The following ADGRB1 variants were observed in gnomAD, a reference collection of about 807,000 sequenced individuals.
ADGRB1 encodes adhesion G protein-coupled receptor B1.
A neutral mutation model predicts 175.7 loss-of-function variants in ADGRB1; 36 were observed. That is an observed-to-expected ratio of 0.20 (90% CI 0.16 to 0.27). The LOEUF is 0.27. Ranked by LOEUF, ADGRB1 falls within the 10% of genes least tolerant of loss-of-function variation. ADGRB1 has a pLI of 1.00. For missense variants in ADGRB1, 1,731 were observed against 2,255.3 expected, an observed-to-expected ratio of 0.77 and a Z score of 4.71; for synonymous variants, 1,054 against 979.4, an observed-to-expected ratio of 1.08 and a Z score of -1.42.
At position 142,544,185 on chromosome 8, in the gene ADGRB1, G is replaced by A. The variant is rs369166320; in HGVS notation, c.4558-35G>A. The stretch of plus-strand genomic sequence containing the variant: ...CTCGGGCTCATGGCTCTCCCTCCGG[G>A]CCCCACCCCTCCTGCACCACGGGCC... On this transcript the variant is annotated intron_variant, in intron 30 of 30. Coordinates refer to ENST00000517894, the MANE Select transcript of ADGRB1 (RefSeq NM_001702.3). 2.2e-4 allele frequency: 341 copies of A among 1,545,154 alleles called. 3 individuals carry two copies. In the South Asian group the frequency reaches 3.9e-3, roughly 18 times the overall value.
At chr8:142,488,230 G>T in intron 13 of ADGRB1, 134 bp from the exon 14 acceptor site, 5 of 1,284,906 alleles carry the variant, frequency 3.9e-6, no homozygotes, top group Non-Finnish European at 5.4e-6. Context: ...CCACACTCCT[G>T]CCTCTGAGCC....
intron 19 of ADGRB1, among the ~76,000 whole-genome samples, chr8:142,520,496 G>C (rs1843765728): frequency 1.4e-5 from 2 of 142,052 alleles, no homozygotes; most frequent in Non-Finnish European, 3.1e-5. Context: ...AATGGTGATG[G>C]TGATGATGGT....
intron 24 of ADGRB1, among the ~76,000 whole-genome samples, chr8:142,528,207 G>A (rs1252261927): frequency 6.6e-6 from 1 of 152,252 alleles, no homozygotes; most frequent in Non-Finnish European, 1.5e-5. Flanking sequence ...CAGCTCCCTC[G>A]CAGACACACG....
intron 16 of ADGRB1, among the ~76,000 whole-genome samples, chr8:142,490,466 T>C (rs1841928964): frequency 6.6e-6 from 1 of 152,212 alleles, no homozygotes; most frequent in African/African-American, 2.4e-5. Flanking sequence ...CCCATCACCC[T>C]ACTTCATACC....
intron 18 of ADGRB1, 22 bp from the exon 19 acceptor site, chr8:142,518,116 G>A (rs775695942): frequency 1.1e-5 from 18 of 1,611,340 alleles, no homozygotes; most frequent in Middle Eastern, 1.6e-4. Context: ...CACTCCCTGC[G>A]GTCTCTTCCC....
chr8:142,460,535 CA>C (rs973343384), intron 1 of ADGRB1, among the ~76,000 whole-genome samples: 1 of 152,148 alleles, frequency 6.6e-6, no homozygotes, highest in African/African-American at 2.4e-5. Flanking sequence ...TCTCTCCCCA[CA>C]CCCCCCTGAC....
At chr8:142,496,639 G>A (rs906952545) in intron 17 of ADGRB1, among the ~76,000 whole-genome samples, 3 of 152,176 alleles carry the variant, frequency 2.0e-5, no homozygotes, top group Admixed American at 2.0e-4. Context: ...AGAGTTTACC[G>A]AGTATAAAAG....
At chr8:142,498,049 C>T (rs1386647142) in intron 17 of ADGRB1, among the ~76,000 whole-genome samples, 1 of 152,174 alleles carries the variant, frequency 6.6e-6, no homozygotes, top group Non-Finnish European at 1.5e-5. Flanking sequence ...TACCCAGGCC[C>T]TCTTACTCCC....
At chr8:142,519,420 T>G (rs993484057) in intron 19 of ADGRB1, among the ~76,000 whole-genome samples, 4 of 152,200 alleles carry the variant, frequency 2.6e-5, no homozygotes, top group African/African-American at 4.8e-5. Flanking sequence ...CTCAGCCCTG[T>G]GCCCTCTGCT....
chr8:142,450,953 G>C (rs1376337680), intron 1 of ADGRB1, among the ~76,000 whole-genome samples: 1 of 152,146 alleles, frequency 6.6e-6, no homozygotes, highest in African/African-American at 2.4e-5. Flanking sequence ...GAGCACTCCC[G>C]GGTCCGCGTC....
rs1026252145 is a variant in ADGRB1 at position 142,492,474 on chromosome 8, A to T, written c.2675+1659A>T. Among the ~76,000 whole-genome samples the T allele has an allele frequency of 1.3e-5, 2 of 152,092 alleles. No homozygotes were observed. Among genetic ancestry groups the T allele is most frequent in the African/African-American group, 4.8e-5 (2 of 41,418 alleles). On this transcript the variant is annotated intron_variant, in intron 17 of 30. Coordinates refer to ENST00000517894, the MANE Select transcript of ADGRB1 (RefSeq NM_001702.3). This position sits in a 1 kb window ranked among gnomAD's most constrained non-coding sequence, Gnocchi z 4.4. The stretch of plus-strand genomic sequence containing the variant: ...GGGGCCTTTGCAAGCAGGGTCATGC[A>T]CGCCTCCGAGGGAAGGGGAGGTTTC...
intron 17 of ADGRB1, 52 bp downstream of exon 17, chr8:142,490,867 G>A: frequency 1.3e-6 from 2 of 1,547,650 alleles, no homozygotes; most frequent in Non-Finnish European, 1.7e-6. Flanking sequence ...GGGTTCGTGG[G>A]AGGCTGGCCC....
chr8:142,482,383 T>A (rs1431105826), intron 11 of ADGRB1, among the ~76,000 whole-genome samples: 1 of 114,944 alleles, frequency 8.7e-6, no homozygotes, highest in East Asian at 2.8e-4. Flanking sequence ...GAGCCCTGAT[T>A]CTGGTTACAC....
intron 1 of ADGRB1, among the ~76,000 whole-genome samples, chr8:142,457,601 G>T (rs545306852): frequency 3.3e-5 from 5 of 152,132 alleles, no homozygotes; most frequent in Admixed American, 6.5e-5. Flanking sequence ...TTCCGGGCCT[G>T]CCTCTGCTGT....
At chr8:142,496,131 G>A (rs565102880) in intron 17 of ADGRB1, among the ~76,000 whole-genome samples, 2 of 150,460 alleles carry the variant, frequency 1.3e-5, no homozygotes, top group Admixed American at 6.6e-5. Flanking sequence ...ATGGGTGGAC[G>A]GGTGAATAGG....
In ADGRB1 at chr8:142,476,965, G is replaced by A. The variant is rs1587290637; in HGVS notation, c.1058-149G>A. 3.3e-6 allele frequency: 4 copies of A among 1,203,480 alleles called. No individual in the cohort carries two copies. In the East Asian group the frequency reaches 1.1e-4, roughly 32 times the overall value. The allele number at this position is 1,203,480 out of a possible 1,614,324, so 74.6% of individuals were successfully genotyped here. On this transcript the variant is annotated intron_variant, in intron 4 of 30. Coordinates refer to ENST00000517894, the MANE Select transcript of ADGRB1 (RefSeq NM_001702.3). ...CTTGTAGGGGAAATGGCCAGTTCTT[G>A]AGATCAGCCTGGTTCGAAGGCCCGG...
intron 1 of ADGRB1, among the ~76,000 whole-genome samples, chr8:142,462,626 C>T (rs930174356): frequency 6.6e-6 from 1 of 152,254 alleles, no homozygotes; most frequent in Non-Finnish European, 1.5e-5. Flanking sequence ...CCTTGTCTTG[C>T]CAGCCAGCTG....
rs552515357 is a variant in ADGRB1 at position 142,526,694 on chromosome 8, G to A, written c.3398+67G>A. The A allele has an allele frequency of 1.0e-5, 15 of 1,477,310 alleles. 1 individual carries two copies. In the South Asian group the frequency reaches 1.8e-4, roughly 18 times the overall value. The allele number at this position is 1,477,310 out of a possible 1,614,324, so 91.5% of individuals were successfully genotyped here. On this transcript the variant is annotated intron_variant, in intron 24 of 30. Transcript: ENST00000517894. ...AAGACCCAGAGCCCACCCAGCCCCG[G>A]GGGATGGAGAACGCTCCATGCCCAA... is the stretch of plus-strand genomic sequence containing the variant.
At position 142,536,970 on chromosome 8, in the gene ADGRB1, C is replaced by G. The variant is rs759771869; in HGVS notation, c.3571-17C>G. On this transcript the variant is annotated splice_polypyrimidine_tract_variant and intron_variant, in intron 25 of 30. Transcript: ENST00000517894. ...GGGGCGTGGCTGCCACTGAGGTGCTCGGCTCTCCCTCCCCAGGTCCAGGAC... is the reference window on the plus strand; with the variant it reads ...GGGGCGTGGCTGCCACTGAGGTGCTGGGCTCTCCCTCCCCAGGTCCAGGAC... 2 of 1,567,672 alleles carry G rather than the reference C, an allele frequency of 1.3e-6. No homozygotes were observed. Among genetic ancestry groups the G allele is most frequent in the Admixed American group, 1.8e-5 (1 of 54,282 alleles).
Sources: gnomAD v4.1 joint callset for allele counts (sites outside exome capture counted in the v4.1 genomes callset) on GRCh38, gnomAD v4.1.1 for gene constraint, Gnocchi (gnomAD v3.1) non-coding constraint, MANE v1.5 for transcripts, NCBI Gene and HGNC (gene_info 2026-07-23, HGNC 2026-07-21) for gene names.